The following NLGN1 variants were observed in gnomAD, a reference collection of about 807,000 sequenced individuals.
NLGN1 encodes neuroligin-1.
A neutral mutation model predicts 65.5 loss-of-function variants in NLGN1; 12 were observed. The observed-to-expected ratio is 0.18, with a 90% CI of 0.12 to 0.30. NLGN1 has a LOEUF of 0.30. NLGN1 is among the 10% of genes least tolerant of loss of function. NLGN1 has a pLI of 1.00. For missense variants in NLGN1, 750 were observed against 1,007.1 expected (o/e 0.74, Z 3.46); for synonymous variants, 350 against 359.5 (o/e 0.97, Z 0.30).
chr3:173,397,656 C>T (rs548754310), upstream of NLGN1: 2 of 152,848 alleles, frequency 1.3e-5, no homozygotes. Context: ...CCCCACTTGC[C>T]CCAGCTCTCC....
Position 174,068,947 on chromosome 3 carries a change from G to A in NLGN1, c.647-206368G>A, listed in dbSNP as rs114746029. On this transcript the variant is annotated intron_variant, in intron 4 of 6. Coordinates refer to ENST00000457714, the Ensembl canonical transcript of NLGN1. ...GAGATTTATTTAACACCTGTAACAT[G>A]CCACGTGAGAGAAATGAGTTGGTGG... is the stretch of plus-strand genomic sequence containing the variant. Among the ~76,000 whole-genome samples, 548 of 152,240 alleles carry A rather than the reference G, an allele frequency of 3.6e-3. 3 individuals carry two copies. The highest frequency in any genetic ancestry group is 0.014 in the Middle Eastern group (4 of 294).
At chr3:174,288,525 T>A (rs956219133), downstream of NLGN1, among the ~76,000 whole-genome samples, 1 of 151,482 alleles carries the variant, frequency 6.6e-6, no homozygotes, top group Non-Finnish European at 1.5e-5. Flanking sequence ...CCACACCGTC[T>A]TCATCGCCTG....
chr3:174,212,063 C>T (rs868170290), intron 4 of NLGN1, among the ~76,000 whole-genome samples: 1 of 152,186 alleles, frequency 6.6e-6, no homozygotes, highest in Non-Finnish European at 1.5e-5. Flanking sequence ...CAGGAACCCA[C>T]GGAGGCGGGG....
chr3:174,053,046 C>T (rs568353292), intron 4 of NLGN1, among the ~76,000 whole-genome samples: 43 of 152,046 alleles, frequency 2.8e-4, no homozygotes, highest in African/African-American at 9.6e-4. Flanking sequence ...TATCCCAAAG[C>T]ACATGTGTAG....
chr3:174,233,442 C>T (rs891736973), intron 4 of NLGN1, among the ~76,000 whole-genome samples: 13 of 151,620 alleles, frequency 8.6e-5, no homozygotes, highest in South Asian at 4.1e-4. Flanking sequence ...GCTGAGATCA[C>T]GCCATTGCAC....
intron 3 of NLGN1, among the ~76,000 whole-genome samples, chr3:173,681,071 T>C (rs1393451): frequency 0.21 from 31,446 of 152,128 alleles, 3,406 homozygotes; most frequent in African/African-American, 0.25. Context: ...TTTGAAATTT[T>C]TTAGGCTATC....
chr3:173,749,805 A>C (rs1776065565), intron 3 of NLGN1, among the ~76,000 whole-genome samples: 1 of 152,122 alleles, frequency 6.6e-6, no homozygotes, highest in Non-Finnish European at 1.5e-5. Context: ...AAGCAGAATG[A>C]AGTGCTCTTC....
intron 2 of NLGN1, among the ~76,000 whole-genome samples, chr3:173,550,256 GAGAT>G (rs1435105452): frequency 2.0e-5 from 3 of 152,030 alleles, no homozygotes; most frequent in African/African-American, 7.2e-5. Context: ...TATATGCAGA[GAGAT>G]AGAACAAAAA....
intron 3 of NLGN1, among the ~76,000 whole-genome samples, chr3:173,680,353 T>C (rs1267834687): frequency 6.6e-6 from 1 of 152,126 alleles, no homozygotes; most frequent in Non-Finnish European, 1.5e-5. Flanking sequence ...GGAGGTGCCA[T>C]TTTTAGGAAT....
At chr3:173,771,197 C>T (rs1484952767) in intron 3 of NLGN1, among the ~76,000 whole-genome samples, 2 of 152,126 alleles carry the variant, frequency 1.3e-5, no homozygotes, top group African/African-American at 4.8e-5. Context: ...TAAAAATTGG[C>T]TGCATGTCCG....
At chr3:174,288,093 A>G (rs1396510794), downstream of NLGN1, among the ~76,000 whole-genome samples, 1 of 151,560 alleles carries the variant, frequency 6.6e-6, no homozygotes, top group Non-Finnish European at 1.5e-5. Context: ...ACCACTTTCT[A>G]TGCTATACTC....
chr3:173,851,116 C>T (rs750069714), intron 4 of NLGN1, among the ~76,000 whole-genome samples: 1 of 151,996 alleles, frequency 6.6e-6, no homozygotes, highest in Non-Finnish European at 1.5e-5. Context: ...GTTTTATATC[C>T]GATTGATCAA....
chr3:174,101,419 GAGTTGGC>G (rs1712451306), intron 4 of NLGN1, among the ~76,000 whole-genome samples: 1 of 152,144 alleles, frequency 6.6e-6, no homozygotes, highest in African/African-American at 2.4e-5. Context: ...AGTCAGAGAT[GAGTTGGC>G]AGTTTCTGGT....
At chr3:173,488,166 A>T (rs1728466702) in intron 2 of NLGN1, among the ~76,000 whole-genome samples, 1 of 152,018 alleles carries the variant, frequency 6.6e-6, no homozygotes, top group South Asian at 2.1e-4. Flanking sequence ...ACATTAAACC[A>T]TAATTATATC....
At chr3:173,443,377 C>T (rs982223768) in intron 2 of NLGN1, among the ~76,000 whole-genome samples, 9 of 149,154 alleles carry the variant, frequency 6.0e-5, no homozygotes, top group African/African-American at 2.2e-4. Flanking sequence ...AATTGAAGCT[C>T]TTTGTGATTA....
At chr3:173,974,646 G>T (rs1366486021) in intron 4 of NLGN1, among the ~76,000 whole-genome samples, 3 of 151,584 alleles carry the variant, frequency 2.0e-5, no homozygotes, top group African/African-American at 7.3e-5. Flanking sequence ...GATTACTTTT[G>T]GGGGGGTGCT....
chr3:174,171,683 G>A (rs568550475), intron 4 of NLGN1, among the ~76,000 whole-genome samples: 3 of 152,088 alleles, frequency 2.0e-5, no homozygotes, highest in Non-Finnish European at 2.9e-5. Context: ...CAAATCATAT[G>A]ATAGTTTGGA....
intron 3 of NLGN1, among the ~76,000 whole-genome samples, chr3:173,678,171 A>G (rs1763432215): frequency 6.6e-6 from 1 of 152,240 alleles, no homozygotes; most frequent in Non-Finnish European, 1.5e-5. Flanking sequence ...TGACAAGGGC[A>G]GTTTATTCTC....
intron 4 of NLGN1, among the ~76,000 whole-genome samples, chr3:173,893,090 C>T (rs767279908): frequency 1.1e-4 from 16 of 152,084 alleles, no homozygotes; most frequent in Admixed American, 5.9e-4. Context: ...AGAAATCAGG[C>T]GCAGAAAATC....
Sources: gnomAD v4.1 joint callset for allele counts (sites outside exome capture counted in the v4.1 genomes callset) on GRCh38, gnomAD v4.1.1 for gene constraint, MANE v1.5 for transcripts, NCBI Gene and HGNC (gene_info 2026-07-23, HGNC 2026-07-21) for gene names.